AKIRIN2: variants seen among roughly 807,000 people sequenced by gnomAD.
The protein encoded by AKIRIN2 is akirin 2.
A neutral mutation model predicts 29.3 loss-of-function variants in AKIRIN2; 6 were observed. The ratio of observed to expected loss-of-function variants is 0.20; its 90% CI spans 0.11 to 0.40. The LOEUF (loss-of-function observed/expected upper bound fraction) is 0.40. AKIRIN2 is among the 10% of genes least tolerant of loss of function. The probability of loss-of-function intolerance (pLI) is 1.00; values close to 1 mark genes in which losing one functional copy is unlikely to be tolerated. For synonymous variants in AKIRIN2, 128 were observed against 117.5 expected (o/e 1.09, Z -0.58); for missense variants, 210 against 276.1 (o/e 0.76, Z 1.70).
intron 1 of AKIRIN2, among the ~76,000 whole-genome samples, chr6:87,690,093 AT>A (rs1771254769): frequency 6.6e-6 from 1 of 151,964 alleles, no homozygotes; most frequent in Non-Finnish European, 1.5e-5. Context: ...GGAGCCTGTA[AT>A]CCCAGCTACT....
chr6:87,677,127 C>T (rs1478962467), intron 3 of AKIRIN2, among the ~76,000 whole-genome samples: 1 of 151,174 alleles, frequency 6.6e-6, no homozygotes, highest in East Asian at 1.9e-4. Flanking sequence ...AATAAAAAGA[C>T]CTTTCTACTC....
intron 1 of AKIRIN2, among the ~76,000 whole-genome samples, chr6:87,695,679 C>G (rs557532616): frequency 6.6e-6 from 1 of 152,282 alleles, no homozygotes; most frequent in East Asian, 1.9e-4. Context: ...CTCCTAATAC[C>G]ATTATCTAGT....
intron 1 of AKIRIN2, among the ~76,000 whole-genome samples, chr6:87,693,718 C>CT (rs1223198285): frequency 1.5e-5 from 2 of 133,460 alleles, no homozygotes; most frequent in Non-Finnish European, 3.1e-5. Context: ...GACTGTGACT[C>CT]TGTCTCAAAA....
chr6:87,697,781 A>G (rs573316322), intron 1 of AKIRIN2, among the ~76,000 whole-genome samples: 32 of 152,152 alleles, frequency 2.1e-4, no homozygotes, highest in African/African-American at 7.0e-4. Context: ...AGCAAGTACA[A>G]TGAGTTCTTA....
In AKIRIN2 at chr6:87,677,884, A is replaced by G. The variant is rs761792335; in HGVS notation, c.463T>C (p.Leu155=). The change falls in exon 3 of 5, where the codon TTG becomes CTG. Residue 155 remains leucine, a synonymous_variant. Transcript: ENST00000257787. ...LRQVGMICER[L]LKEREEKVRE... is the part of the protein sequence containing the mutation. ...ACTTTCTCTTCACGTTCTTTCAACA[A>G]ACGTTCACAGATCATCCCAACCTGC... 2 of 1,614,124 alleles carry G rather than the reference A, an allele frequency of 1.2e-6. No individual in the cohort carries two copies. The highest frequency in any genetic ancestry group is 2.2e-5 in the South Asian group (2 of 91,074).
intron 1 of AKIRIN2, among the ~76,000 whole-genome samples, chr6:87,694,802 T>G (rs1046994324): frequency 6.6e-6 from 1 of 152,180 alleles, no homozygotes; most frequent in African/African-American, 2.4e-5. Context: ...CAACAAAGCC[T>G]ACCATCACAA....
chr6:87,680,757 T>C (rs188890454), intron 2 of AKIRIN2, among the ~76,000 whole-genome samples: 8 of 130,946 alleles, frequency 6.1e-5, no homozygotes, highest in African/African-American at 5.8e-5. Flanking sequence ...GTAGCCCTTA[T>C]TCCCCGCCCC....
At chr6:87,692,678 G>A (rs576743595) in intron 1 of AKIRIN2, among the ~76,000 whole-genome samples, 41 of 152,224 alleles carry the variant, frequency 2.7e-4, no homozygotes, top group African/African-American at 8.2e-4. Context: ...TGGGTGTGGC[G>A]GCGCACGCCT....
At chr6:87,689,189 T>G (rs901205196) in intron 1 of AKIRIN2, among the ~76,000 whole-genome samples, 1 of 152,118 alleles carries the variant, frequency 6.6e-6, no homozygotes, top group African/African-American at 2.4e-5. Flanking sequence ...AACAACTTGT[T>G]CAGGCACCCC....
At chr6:87,686,995 G>A (rs1582120872) in intron 1 of AKIRIN2, among the ~76,000 whole-genome samples, 1 of 142,850 alleles carries the variant, frequency 7.0e-6, no homozygotes, top group East Asian at 2.0e-4. Context: ...GCAGTGAACC[G>A]AGATTGCACC....
intron 1 of AKIRIN2, among the ~76,000 whole-genome samples, chr6:87,697,873 C>T (rs1391074927): frequency 1.3e-5 from 2 of 152,198 alleles, no homozygotes; most frequent in Admixed American, 1.3e-4. Context: ...AATTAATGTG[C>T]CTAACAAACT....
chr6:87,676,334 A>G (rs551699116), intron 3 of AKIRIN2, among the ~76,000 whole-genome samples: 52 of 148,294 alleles, frequency 3.5e-4, no homozygotes, highest in African/African-American at 1.0e-3. Context: ...GCATGGTGGC[A>G]GGCCGCCTGT....
chr6:87,685,886 C>T (rs751121088), intron 1 of AKIRIN2, among the ~76,000 whole-genome samples: 12 of 152,150 alleles, frequency 7.9e-5, no homozygotes, highest in Non-Finnish European at 1.3e-4. Context: ...GCAGTATCAA[C>T]AGGTCAGCAC....
intron 1 of AKIRIN2, among the ~76,000 whole-genome samples, chr6:87,699,408 CTTG>C (rs1429831654): frequency 6.6e-6 from 1 of 150,734 alleles, no homozygotes; most frequent in South Asian, 2.1e-4. Flanking sequence ...TCAATTTCAA[CTTG>C]TTTTCTCAAG....
chr6:87,683,090 G>A (rs1032251819), intron 1 of AKIRIN2, among the ~76,000 whole-genome samples: 10 of 151,906 alleles, frequency 6.6e-5, no homozygotes, highest in Non-Finnish European at 1.5e-4. Context: ...AGAGACTCTG[G>A]GAGGACAAAT....
At position 87,681,638 on chromosome 6, in the gene AKIRIN2, TGAG is replaced by T; in HGVS notation, c.358_360del (p.Leu120del). 1 of 1,608,794 alleles carries T rather than the reference TGAG, an allele frequency of 6.2e-7. No homozygotes were observed. Among genetic ancestry groups the T allele is most frequent in the South Asian group, 1.1e-5 (1 of 89,346 alleles). On this transcript the variant is annotated inframe_deletion, in exon 2 of 5. Coordinates refer to ENST00000257787, the MANE Select transcript of AKIRIN2 (RefSeq NM_018064.4). Reference sequence around the variant, plus strand: ...TTATTACCTGGTGAAGCTGGTCCACTGAGGAGAAATGCATGTGGCTGTGCATCA... The same window carrying T: ...TTATTACCTGGTGAAGCTGGTCCACTGAGAAATGCATGTGGCTGTGCATCA...
intron 1 of AKIRIN2, among the ~76,000 whole-genome samples, chr6:87,687,812 A>G (rs1292139558): frequency 6.6e-6 from 1 of 152,178 alleles, no homozygotes; most frequent in Non-Finnish European, 1.5e-5. Flanking sequence ...ACTTTTAAGT[A>G]TTTTCTCAAA....
At position 87,701,487 on chromosome 6, in the gene AKIRIN2, T is replaced by A; in HGVS notation, c.198A>T (p.Pro66=). Residue 66 remains proline (P), a synonymous_variant, in exon 1 of 5, where the codon CCA becomes CCT. Coordinates refer to ENST00000257787, the MANE Select transcript of AKIRIN2 (RefSeq NM_018064.4). ...ASPQKYLRME[P]SPFGDVSSRL... ...GGGAGGAGACGTCGCCGAAGGGGGATGGCTCCATTCGGAGATACTTCTGCG... is the reference window on the plus strand; with the variant it reads ...GGGAGGAGACGTCGCCGAAGGGGGAAGGCTCCATTCGGAGATACTTCTGCG... 1.3e-6 allele frequency: 2 copies of A among 1,504,928 alleles called. No homozygotes were observed. Among genetic ancestry groups the A allele is most frequent in the Non-Finnish European group, 1.8e-6 (2 of 1,131,802 alleles). 93.2% of individuals were successfully genotyped at this position (1,504,928 alleles called of 1,614,324 possible). A position where few individuals can be genotyped will look rare whatever the true frequency, so the allele number is the denominator to read the frequency against.
chr6:87,701,380 C>A, intron 1 of AKIRIN2, 70 bp downstream of exon 1: 7 of 1,454,936 alleles, frequency 4.8e-6, no homozygotes, highest in Non-Finnish European at 6.4e-6. Context: ...CCAGGGGCCG[C>A]ATCCCACACC....
Sources: allele counts gnomAD v4.1 joint callset (sites outside exome capture counted in the v4.1 genomes callset), GRCh38; gene constraint gnomAD v4.1.1; transcripts MANE v1.5; gene names NCBI Gene and HGNC (gene_info 2026-07-23, HGNC 2026-07-21).